NBDY: variants seen among roughly 807,000 people sequenced by gnomAD.
NBDY encodes negative regulator of P-body association.
intron 2 of NBDY, among the ~76,000 whole-genome samples, chrX:56,746,649 C>T (rs1439242356): frequency 2.7e-5 from 3 of 109,972 alleles, no homozygotes; most frequent in Non-Finnish European, 5.7e-5. Context: ...CGTTCCTTGC[C>T]ACTGTAGATC....
intron 2 of NBDY, among the ~76,000 whole-genome samples, chrX:56,807,156 C>T (rs2069855749): frequency 8.9e-6 from 1 of 111,786 alleles, no homozygotes; most frequent in Non-Finnish European, 1.9e-5. Flanking sequence ...GGCCTCCATT[C>T]TGTTCCATTG....
chrX:56,763,010 C>T (rs898766205), intron 2 of NBDY, among the ~76,000 whole-genome samples: 1 of 112,333 alleles, frequency 8.9e-6, no homozygotes, highest in East Asian at 2.8e-4. Context: ...TACAATTTCT[C>T]CCACACAGGT....
chrX:56,812,062 G>T (rs1442048781), intron 2 of NBDY, among the ~76,000 whole-genome samples: 2 of 111,211 alleles, frequency 1.8e-5, no homozygotes, highest in African/African-American at 3.3e-5. Flanking sequence ...TGCTTTGGCT[G>T]ACCCTCCTTG....
chrX:56,808,147 G>T (rs1255933833), intron 2 of NBDY, among the ~76,000 whole-genome samples: 4 of 112,115 alleles, frequency 3.6e-5, no homozygotes, highest in Non-Finnish European at 7.5e-5. Flanking sequence ...AACCAGCCTT[G>T]CATCCCAGGG....
At chrX:56,735,278 T>G (rs1197117218) in intron 2 of NBDY, among the ~76,000 whole-genome samples, 2 of 112,479 alleles carry the variant, frequency 1.8e-5, no homozygotes, top group African/African-American at 6.5e-5. Flanking sequence ...ACACAAAACA[T>G]TGATATAGTG....
At chrX:56,782,456 T>G (rs2069698862) in intron 2 of NBDY, among the ~76,000 whole-genome samples, 1 of 111,821 alleles carries the variant, frequency 8.9e-6, no homozygotes, top group Admixed American at 9.5e-5. Context: ...TGCTCCTTGG[T>G]GATTCAGCAT....
At chrX:56,792,952 C>A (rs1403867912) in intron 2 of NBDY, among the ~76,000 whole-genome samples, 2 of 111,806 alleles carry the variant, frequency 1.8e-5, no homozygotes, top group African/African-American at 6.5e-5. Flanking sequence ...CCCTCAGGAG[C>A]CTTGTCCCTA....
chrX:56,808,867 G>T (rs1056353981), intron 2 of NBDY, among the ~76,000 whole-genome samples: 3 of 112,289 alleles, frequency 2.7e-5, no homozygotes, highest in Non-Finnish European at 5.6e-5. Context: ...GTTGATTTTA[G>T]ATCTCTCCTG....
At chrX:56,795,480 C>T (rs922851494) in intron 2 of NBDY, among the ~76,000 whole-genome samples, 1 of 112,375 alleles carries the variant, frequency 8.9e-6, no homozygotes, top group African/African-American at 3.2e-5. Context: ...TGGGCAGCAG[C>T]TTGGAACACA....
At chrX:56,793,910 C>A (rs185290643) in intron 2 of NBDY, among the ~76,000 whole-genome samples, 1 of 112,065 alleles carries the variant, frequency 8.9e-6, no homozygotes, top group Non-Finnish European at 1.9e-5. Context: ...CTTTTCCTCC[C>A]GGGAGGGTAG....
intron 2 of NBDY, among the ~76,000 whole-genome samples, chrX:56,815,920 G>GT (rs775570197): frequency 9.0e-6 from 1 of 111,293 alleles, no homozygotes; most frequent in Admixed American, 9.5e-5. Context: ...ATTTAGAATT[G>GT]TTTTTCTGGA....
intron 2 of NBDY, among the ~76,000 whole-genome samples, chrX:56,734,101 G>T (rs1676305038): frequency 8.9e-6 from 1 of 112,193 alleles, no homozygotes; most frequent in South Asian, 3.7e-4. Context: ...TAAGATTCTA[G>T]AATTTAAAAA....
chrX:56,737,541 A>G (rs1406101555), intron 2 of NBDY: 20 of 941,136 alleles, frequency 2.1e-5, no homozygotes, highest in Non-Finnish European at 2.7e-5. Flanking sequence ...CCATCCAGCC[A>G]CTTGCCTGAT....
Position 56,730,439 on chromosome X carries a change from A to C in NBDY, c.*29+850A>C, listed in dbSNP as rs759747316. On this transcript the variant is annotated intron_variant, in intron 1 of 2. Transcript: ENST00000374922. ...GGCAGGACAATCATTTGAACCTGGA[A>C]GGCAGAGGTTGCAGTGAGCCGAGAT... Among the ~76,000 whole-genome samples, 4 of 96,404 alleles carry C rather than the reference A, an allele frequency of 4.1e-5. No homozygotes were observed. The South Asian group carries it at 2.3e-3, about 56-fold the overall frequency. The allele number at this position is 96,404 out of a possible 115,157, so 83.7% of individuals were successfully genotyped here. A position where few individuals can be genotyped will look rare whatever the true frequency, so the allele number is the denominator to read the frequency against.
chrX:56,803,646 C>T (rs1733754289), intron 2 of NBDY, among the ~76,000 whole-genome samples: 1 of 111,200 alleles, frequency 9.0e-6, no homozygotes, highest in South Asian at 3.8e-4. Context: ...CAGAGTCCAC[C>T]CAGCCCGACA....
At chrX:56,732,000 A>G (rs1489911017) in intron 1 of NBDY, 63 bp from the exon 2 acceptor site, 6 of 287,856 alleles carry the variant, frequency 2.1e-5, no homozygotes, top group Non-Finnish European at 3.6e-5. Context: ...GAGGAGACCA[A>G]GGGACAAAGA....
chrX:56,733,840 A>G (rs1343332575), intron 2 of NBDY, among the ~76,000 whole-genome samples: 1 of 112,078 alleles, frequency 8.9e-6, no homozygotes, highest in Non-Finnish European at 1.9e-5. Context: ...GGTTATGACA[A>G]TTTTTATGTT....
chrX:56,730,870 C>G (rs1374241460), intron 1 of NBDY, among the ~76,000 whole-genome samples: 1 of 111,526 alleles, frequency 9.0e-6, no homozygotes, highest in Non-Finnish European at 1.9e-5. Flanking sequence ...AAAACTGAAT[C>G]TGACCCAAGT....
At chrX:56,766,885 G>C (rs1367554136) in intron 2 of NBDY, among the ~76,000 whole-genome samples, 2 of 112,611 alleles carry the variant, frequency 1.8e-5, no homozygotes, top group South Asian at 3.7e-4. Context: ...CTCTGTGAAA[G>C]CCGAGACAGC....
Sources: allele counts gnomAD v4.1 joint callset (sites outside exome capture counted in the v4.1 genomes callset), GRCh38; gene constraint gnomAD v4.1.1; transcripts MANE v1.5; gene names NCBI Gene and HGNC (gene_info 2026-07-23, HGNC 2026-07-21).